Variants in ZNF600 observed in about 807,000 individuals in gnomAD.
ZNF600 encodes zinc finger protein KR-ZNF1.
In ZNF600, 4 loss-of-function variants were observed where a neutral mutation model predicts 7.3. That is an observed-to-expected ratio of 0.55 (90% confidence interval 0.27 to 1.25). ZNF600 has a LOEUF of 1.25. Among genes scored for constraint, ZNF600 ranks in the 50% most tolerant of loss-of-function variants. The probability of loss-of-function intolerance (pLI) is 0.12; values close to 1 mark genes in which losing one functional copy is unlikely to be tolerated. For synonymous variants in ZNF600, 290 were observed against 308.9 expected, an observed-to-expected ratio of 0.94 and a Z score of 0.64; for missense variants, 911 against 922.1, an observed-to-expected ratio of 0.99 and a Z score of 0.16.
At chr19:52,784,334 A>G (rs2062747499) in intron 1 of ZNF600, among the ~76,000 whole-genome samples, 3 of 152,226 alleles carry the variant, frequency 2.0e-5, no homozygotes, top group Admixed American at 2.0e-4. Context: ...TGAGCCTAGG[A>G]GGTCGAGGCT....
At chr19:52,777,865 T>C (rs2062689007) in intron 2 of ZNF600, among the ~76,000 whole-genome samples, 1 of 152,018 alleles carries the variant, frequency 6.6e-6, no homozygotes, top group Admixed American at 6.6e-5. Flanking sequence ...GATACATATA[T>C]ACATACATAC....
upstream of ZNF600, among the ~76,000 whole-genome samples, chr19:52,788,869 A>T (rs1600409028): frequency 6.6e-6 from 1 of 152,224 alleles, no homozygotes; most frequent in Non-Finnish European, 1.5e-5. Flanking sequence ...CTGATAAAAC[A>T]GCATAGAAGC....
chr19:52,768,188 A>G (rs2062604338), intron 3 of ZNF600, among the ~76,000 whole-genome samples: 1 of 152,096 alleles, frequency 6.6e-6, no homozygotes. Context: ...ACAATATACT[A>G]TATTGGTAAA....
chr19:52,802,450 C>A, the ZNF600 span, among the ~76,000 whole-genome samples: 1 of 152,058 alleles, frequency 6.6e-6, no homozygotes, highest in Non-Finnish European at 1.5e-5. Context: ...GAGGGCAAGG[C>A]AGGCAGATCA....
intron 1 of ZNF600, among the ~76,000 whole-genome samples, chr19:52,779,835 G>C (rs545974499): frequency 1.3e-5 from 2 of 152,036 alleles, no homozygotes; most frequent in Admixed American, 6.6e-5. Context: ...GGGGTCAAGA[G>C]GTGGACACCA....
the ZNF600 span, among the ~76,000 whole-genome samples, chr19:52,832,860 C>T: frequency 0.016 from 2,430 of 152,178 alleles, 41 homozygotes; most frequent in Non-Finnish European, 0.026. Context: ...TAACCTCCAC[C>T]TCCCGGATTC....
upstream of ZNF600, among the ~76,000 whole-genome samples, chr19:52,787,075 G>A (rs1297044110): frequency 6.6e-6 from 1 of 152,270 alleles, no homozygotes; most frequent in Admixed American, 6.5e-5. Flanking sequence ...CATGCTGATG[G>A]CCCACAGAAC....
At chr19:52,810,415 T>C in the ZNF600 span, 20 of 1,604,122 alleles carry the variant, frequency 1.2e-5, no homozygotes, top group Non-Finnish European at 1.5e-5. Flanking sequence ...TGTGACAAAT[T>C]TAGTGGCCAT....
At chr19:52,806,808 A>AT in the ZNF600 span, among the ~76,000 whole-genome samples, 1 of 152,094 alleles carries the variant, frequency 6.6e-6, no homozygotes, top group Non-Finnish European at 1.5e-5. Context: ...AATCTGGGGC[A>AT]TAAGCATCCT....
At chr19:52,779,196 T>A (rs932834648) in intron 1 of ZNF600, among the ~76,000 whole-genome samples, 13 of 151,982 alleles carry the variant, frequency 8.6e-5, no homozygotes, top group African/African-American at 2.7e-4. Flanking sequence ...CCTTCATCAA[T>A]CCCCATCCAG....
the ZNF600 span, among the ~76,000 whole-genome samples, chr19:52,817,393 A>C: frequency 0.03 from 4,543 of 152,272 alleles, 87 homozygotes; most frequent in Middle Eastern, 0.065. Context: ...ATAATAATGA[A>C]GGAATCATTA....
chr19:52,770,396 T>C (rs1270022811), intron 3 of ZNF600, among the ~76,000 whole-genome samples: 2 of 152,184 alleles, frequency 1.3e-5, no homozygotes, highest in African/African-American at 4.8e-5. Flanking sequence ...GAGCCGAGAT[T>C]GTGCCATTGC....
At chr19:52,798,386 A>C in the ZNF600 span, 175 of 373,966 alleles carry the variant, frequency 4.7e-4, no homozygotes, top group Non-Finnish European at 8.2e-4. Flanking sequence ...TGCTCATTTA[A>C]CTGTAATGTC....
intron 2 of ZNF600, among the ~76,000 whole-genome samples, chr19:52,775,976 A>G (rs990378260): frequency 6.6e-6 from 1 of 151,806 alleles, no homozygotes; most frequent in Non-Finnish European, 1.5e-5. Context: ...ACTGTACTTC[A>G]GCCTGGGTGA....
the ZNF600 span, among the ~76,000 whole-genome samples, chr19:52,794,878 G>C: frequency 6.6e-6 from 1 of 151,970 alleles, no homozygotes; most frequent in African/African-American, 2.4e-5. Flanking sequence ...AAAAGTTTCA[G>C]GACCATTCTA....
intron 3 of ZNF600, among the ~76,000 whole-genome samples, chr19:52,769,788 C>T (rs1342555031): frequency 6.6e-6 from 1 of 152,152 alleles, no homozygotes; most frequent in Non-Finnish European, 1.5e-5. Context: ...CTCCTGACCT[C>T]AAGTAATCTT....
chr19:52,817,968 C>A, the ZNF600 span: 1 of 1,611,010 alleles, frequency 6.2e-7, no homozygotes, highest in Non-Finnish European at 8.5e-7. Context: ...TCCCTGACTC[C>A]TTTGCTTTCC....
chr19:52,788,301 G>C (rs1237047799), upstream of ZNF600, among the ~76,000 whole-genome samples: 1 of 152,174 alleles, frequency 6.6e-6, no homozygotes, highest in Non-Finnish European at 1.5e-5. Flanking sequence ...AGAAAGGAAA[G>C]AGACAGAAGA....
the ZNF600 span, among the ~76,000 whole-genome samples, chr19:52,831,298 T>A: frequency 0.014 from 2,176 of 152,070 alleles, 28 homozygotes; most frequent in South Asian, 0.041. Flanking sequence ...ATAATAATAA[T>A]GACAGGTTTT....
Sources: gnomAD v4.1 joint callset for allele counts (sites outside exome capture counted in the v4.1 genomes callset) on GRCh38, gnomAD v4.1.1 for gene constraint, MANE v1.5 for transcripts, NCBI Gene and HGNC (gene_info 2026-07-23, HGNC 2026-07-21) for gene names.